Variants in KIF3C observed in about 807,000 individuals in gnomAD.
KIF3C encodes kinesin family member 3C, also known as kinesin-like protein KIF3C.
Under a neutral mutation model 67.7 loss-of-function variants are expected in KIF3C, and 12 were observed. That is an observed-to-expected ratio of 0.18 (90% CI 0.11 to 0.29). The LOEUF (loss-of-function observed/expected upper bound fraction) is 0.29, where lower values mean the gene tolerates loss of function less well. Ranked by LOEUF, KIF3C falls within the 10% of genes least tolerant of loss-of-function variation. The probability of loss-of-function intolerance (pLI) is 1.00; values close to 1 mark genes in which losing one functional copy is unlikely to be tolerated. For synonymous variants in KIF3C, 393 were observed against 426.2 expected (o/e 0.92, Z 0.96); for missense variants, 789 against 1,059.6 (o/e 0.74, Z 3.55).
At chr2:25,969,944 G>A (rs991127582) in intron 1 of KIF3C, among the ~76,000 whole-genome samples, 1 of 152,206 alleles carries the variant, frequency 6.6e-6, no homozygotes, top group African/African-American at 2.4e-5. Context: ...GTGAATGCCT[G>A]GCCTCAAGTG....
chr2:25,946,866 A>G (rs2149228896), intron 5 of KIF3C, among the ~76,000 whole-genome samples: 1 of 151,996 alleles, frequency 6.6e-6, no homozygotes, highest in South Asian at 2.1e-4. Context: ...AAAAAAAAGA[A>G]AGAAGGCTGG....
chr2:25,954,237 A>G (rs903879474), intron 4 of KIF3C, 30 bp downstream of exon 4: 6 of 1,364,338 alleles, frequency 4.4e-6, no homozygotes, highest in Non-Finnish European at 6.3e-6. Context: ...GGCTGTGGGG[A>G]CCCGGGATGA....
At chr2:25,952,965 C>A (rs1214478002) in intron 4 of KIF3C, among the ~76,000 whole-genome samples, 3 of 152,094 alleles carry the variant, frequency 2.0e-5, no homozygotes, top group South Asian at 2.1e-4. Context: ...ACATTGCACA[C>A]CTGTATCAAA....
chr2:25,956,820 C>T (rs1559553774), intron 1 of KIF3C, among the ~76,000 whole-genome samples: 1 of 152,276 alleles, frequency 6.6e-6, no homozygotes, highest in East Asian at 1.9e-4. Flanking sequence ...AGATAAGATA[C>T]AGTCACCAGG....
intron 5 of KIF3C, among the ~76,000 whole-genome samples, chr2:25,942,572 G>C (rs1388714814): frequency 1.3e-5 from 2 of 151,834 alleles, no homozygotes; most frequent in Non-Finnish European, 2.9e-5. Context: ...CACCACACCT[G>C]GCTAATTTTG....
intron 1 of KIF3C, among the ~76,000 whole-genome samples, chr2:25,971,910 AGAGATGGGGTCTGG>A (rs1664296322): frequency 1.9e-5 from 1 of 53,994 alleles, no homozygotes. Flanking sequence ...ACTTTTTTGT[AGAGATGGGGTCTGG>A]CTTTGTTGTC....
chr2:25,964,252 C>A (rs1341910743), intron 1 of KIF3C, among the ~76,000 whole-genome samples: 2 of 152,002 alleles, frequency 1.3e-5, no homozygotes, highest in African/African-American at 4.8e-5. Flanking sequence ...TGAGATAGCA[C>A]CACTGTACTC....
intron 1 of KIF3C, among the ~76,000 whole-genome samples, chr2:25,962,914 TATATATAATATATAATACATATA>T (rs1664009505): frequency 1.8e-5 from 1 of 54,946 alleles, no homozygotes; most frequent in Non-Finnish European, 3.0e-5. Flanking sequence ...TAATATATAA[TATATATAATATATAATACATATA>T]ATATATAATA....
At chr2:25,976,703 T>A (rs1574498852) in intron 1 of KIF3C, among the ~76,000 whole-genome samples, 1 of 152,282 alleles carries the variant, frequency 6.6e-6, no homozygotes, top group South Asian at 2.1e-4. Flanking sequence ...AGGGTTGCAA[T>A]GAGCTGAGAT....
rs370427048 is a variant in KIF3C at position 25,942,001 on chromosome 2, C to T, written c.2006+9788G>A. 6.6e-4 allele frequency among the ~76,000 whole-genome samples: 101 copies of T among 152,178 alleles called. 1 individual carries two copies. Among genetic ancestry groups the T allele is most frequent in the African/African-American group, 2.4e-3 (98 of 41,530 alleles). ...TCAGTGAGCCAAGATGATGCCATTG[C>T]ACCCTAGCCTGGGTGACAGAGTGAG... On this transcript the variant is annotated intron_variant, in intron 5 of 7. Transcript: ENST00000264712.
chr2:25,982,413 G>T lies in KIF3C; in HGVS notation c.-496C>A, dbSNP rs1432082088. On this transcript the variant is annotated 5_prime_UTR_variant, in exon 1 of 8. Transcript: ENST00000264712. Reference sequence around the variant, plus strand: ...CTGGAGTCCTCCCCCCAAGCTGGGGGATCATTCATTGCAGCCAGCGCGGCT... The same window carrying T: ...CTGGAGTCCTCCCCCCAAGCTGGGGTATCATTCATTGCAGCCAGCGCGGCT... 2.5e-6 allele frequency: 1 copy of T among 398,656 alleles called. No homozygotes were observed. The highest frequency in any genetic ancestry group is 4.4e-6 in the Non-Finnish European group (1 of 226,084). 24.7% of individuals were successfully genotyped at this position (398,656 alleles called of 1,614,324 possible).
rs559852422 is a variant in KIF3C, at chr2:25,953,503, G to A, written c.1889+764C>T. On this transcript the variant is annotated intron_variant, in intron 4 of 7. Transcript: ENST00000264712. ...AGCCTCCCAAGTAGCTGGGACTACA[G>A]GCGCCCGCCACCACTCTCGGCTAAT... Among the ~76,000 whole-genome samples the A allele has an allele frequency of 3.3e-5, 5 of 150,288 alleles. No homozygotes were observed. In the South Asian group the frequency reaches 1.1e-3, roughly 32 times the overall value.
At chr2:25,937,744 A>G (rs1022057182) in intron 5 of KIF3C, among the ~76,000 whole-genome samples, 79 of 152,100 alleles carry the variant, frequency 5.2e-4, no homozygotes. Flanking sequence ...GAATCTTCCC[A>G]TATACTCCTT....
chr2:25,931,810 G>C (rs1157874484), intron 5 of KIF3C, among the ~76,000 whole-genome samples: 1 of 151,828 alleles, frequency 6.6e-6, no homozygotes, highest in East Asian at 2.0e-4. Context: ...GCTAATTTTT[G>C]TATTTTCAGT....
chr2:25,935,913 T>TAAAAA (rs942951165), intron 5 of KIF3C, among the ~76,000 whole-genome samples: 1 of 143,142 alleles, frequency 7.0e-6, no homozygotes, highest in African/African-American at 2.6e-5. Flanking sequence ...CCATCTCTAC[T>TAAAAA]AAAAAAAATA....
intron 5 of KIF3C, among the ~76,000 whole-genome samples, chr2:25,939,049 C>T (rs538502311): frequency 3.9e-5 from 6 of 151,946 alleles, no homozygotes; most frequent in South Asian, 2.1e-4. Context: ...GCTGGAGTGC[C>T]GTGGCAAGAT....
chr2:25,936,202 T>C (rs1663121475), intron 5 of KIF3C, among the ~76,000 whole-genome samples: 1 of 152,080 alleles, frequency 6.6e-6, no homozygotes, highest in Non-Finnish European at 1.5e-5. Flanking sequence ...GAAGTTTTTG[T>C]TTGTATTTTT....
At chr2:25,972,642 A>T (rs1180203203) in intron 1 of KIF3C, among the ~76,000 whole-genome samples, 1 of 152,178 alleles carries the variant, frequency 6.6e-6, no homozygotes, top group African/African-American at 2.4e-5. Flanking sequence ...GTCCTTGGGG[A>T]CATGTGGATG....
chr2:25,954,212 T>C, intron 4 of KIF3C, 55 bp downstream of exon 4: 1 of 1,285,568 alleles, frequency 7.8e-7, no homozygotes. Context: ...AGGAGAGGCC[T>C]GAGTAATGAT....
Sources: gnomAD v4.1 joint callset for allele counts (sites outside exome capture counted in the v4.1 genomes callset) on GRCh38, gnomAD v4.1.1 for gene constraint, MANE v1.5 for transcripts, NCBI Gene and HGNC (gene_info 2026-07-23, HGNC 2026-07-21) for gene names.